The following CAMTA1 variants were observed in gnomAD, a reference collection of about 807,000 sequenced individuals.
CAMTA1 encodes the protein calmodulin-binding transcription activator 1.
In CAMTA1, 27 loss-of-function variants were observed where a neutral mutation model predicts 170.9. The ratio of observed to expected loss-of-function variants is 0.16; its 90% CI spans 0.12 to 0.22. The LOEUF (loss-of-function observed/expected upper bound fraction) is 0.22. Ranked by LOEUF, CAMTA1 falls within the 10% of genes least tolerant of loss-of-function variation. The pLI, the probability that CAMTA1 is intolerant of heterozygous loss-of-function variation, is 1.00. For missense variants in CAMTA1, 1,619 were observed against 2,217.2 expected, an observed-to-expected ratio of 0.73 and a Z score of 5.42; for synonymous variants, 833 against 891.5, an observed-to-expected ratio of 0.93 and a Z score of 1.17.
intron 6 of CAMTA1, among the ~76,000 whole-genome samples, chr1:7,514,199 G>A (rs956554668): frequency 2.6e-5 from 4 of 152,196 alleles, no homozygotes; most frequent in Non-Finnish European, 5.9e-5. Context: ...TCCATGCCTC[G>A]GAGCCTCTTC....
At chr1:6,925,785 G>C (rs1179524026) in intron 3 of CAMTA1, among the ~76,000 whole-genome samples, 1 of 152,176 alleles carries the variant, frequency 6.6e-6, no homozygotes, top group Non-Finnish European at 1.5e-5. Context: ...TTCCCAAGAG[G>C]CATCTCCATT....
Position 7,561,691 on chromosome 1 carries a change from C to T in CAMTA1, c.511-78709C>T, listed in dbSNP as rs141231681. Among the ~76,000 whole-genome samples the T allele has an allele frequency of 3.6e-3, 540 of 151,912 alleles. 4 individuals carry two copies. The highest frequency in any genetic ancestry group is 0.013 in the African/African-American group (523 of 41,440). ...CTCCATGATGCCCGTCAGAGGCCAC[C>T]CCTCCCCAGCCCCCTAGGCCACTGT... On this transcript the variant is annotated intron_variant, in intron 6 of 22. Coordinates refer to ENST00000303635, the MANE Select transcript of CAMTA1 (RefSeq NM_015215.4). The surrounding 1 kb of genome is among the most constrained non-coding windows in gnomAD (Gnocchi z 5.3).
At chr1:6,879,265 A>C (rs1481298202) in intron 3 of CAMTA1, among the ~76,000 whole-genome samples, 2 of 152,304 alleles carry the variant, frequency 1.3e-5, no homozygotes, top group East Asian at 1.9e-4. Flanking sequence ...TACCAAACCC[A>C]CAAGACCCTG....
At chr1:7,357,966 C>G (rs780691488) in intron 5 of CAMTA1, among the ~76,000 whole-genome samples, 1 of 152,184 alleles carries the variant, frequency 6.6e-6, no homozygotes, top group African/African-American at 2.4e-5. Flanking sequence ...TGGTGACAGA[C>G]AGGGCCCTGT....
intron 5 of CAMTA1, among the ~76,000 whole-genome samples, chr1:7,279,754 C>T (rs1671245938): frequency 6.6e-6 from 1 of 152,124 alleles, no homozygotes; most frequent in Non-Finnish European, 1.5e-5. Flanking sequence ...TGCTAAAATG[C>T]CTGGAATCAA....
chr1:7,158,637 G>A (rs1436592847), intron 4 of CAMTA1, among the ~76,000 whole-genome samples: 3 of 152,158 alleles, frequency 2.0e-5, no homozygotes, highest in Non-Finnish European at 4.4e-5. Flanking sequence ...TGCACAAAAG[G>A]ATGGCTGGAT....
chr1:6,975,114 C>T (rs1022427392), intron 3 of CAMTA1, among the ~76,000 whole-genome samples: 19 of 152,128 alleles, frequency 1.2e-4, no homozygotes, highest in Admixed American at 2.6e-4. Context: ...GCTGAGATGA[C>T]GGGGCCTGCC....
intron 3 of CAMTA1, among the ~76,000 whole-genome samples, chr1:6,932,120 A>T (rs1478621840): frequency 6.6e-6 from 1 of 152,244 alleles, no homozygotes; most frequent in East Asian, 1.9e-4. Flanking sequence ...CCAAATCAAG[A>T]TAATGAACGT....
intron 10 of CAMTA1, among the ~76,000 whole-genome samples, chr1:7,675,132 C>A (rs1260559061): frequency 6.6e-6 from 1 of 152,142 alleles, no homozygotes; most frequent in Admixed American, 6.5e-5. Flanking sequence ...TGGAGCCAGT[C>A]ATGGGAAGTG....
rs1000227178 is a variant in CAMTA1, at chr1:7,455,098, C to A, written c.439-12732C>A. Among the ~76,000 whole-genome samples, 1 of 152,160 alleles carries A rather than the reference C, an allele frequency of 6.6e-6. No homozygotes were observed. Among genetic ancestry groups the A allele is most frequent in the Non-Finnish European group, 1.5e-5 (1 of 68,042 alleles). The stretch of plus-strand genomic sequence containing the variant: ...GGCCGGCCTGGCTGGGGCAGCGCAT[C>A]TGCAGGTGTTTGAGGCACATTTGTT... On this transcript the variant is annotated intron_variant, in intron 5 of 22. Coordinates refer to ENST00000303635, the MANE Select transcript of CAMTA1 (RefSeq NM_015215.4). The surrounding 1 kb of genome is among the most constrained non-coding windows in gnomAD (Gnocchi z 5.0).
At chr1:7,403,639 G>A (rs187228787) in intron 5 of CAMTA1, among the ~76,000 whole-genome samples, 8 of 152,308 alleles carry the variant, frequency 5.3e-5, no homozygotes, top group Admixed American at 2.6e-4. Flanking sequence ...GGTGCTACCG[G>A]CAAAGGTGAG....
At chr1:7,745,743 CA>C in intron 17 of CAMTA1, 101 bp from the exon 18 acceptor site, 1 of 1,427,246 alleles carries the variant, frequency 7.0e-7, no homozygotes, top group Admixed American at 1.8e-5. Context: ...TAATTGCCCA[CA>C]GTGGCTTCTG....
At chr1:7,187,355 C>T (rs747489350) in intron 4 of CAMTA1, among the ~76,000 whole-genome samples, 2 of 152,174 alleles carry the variant, frequency 1.3e-5, no homozygotes, top group African/African-American at 2.4e-5. Context: ...GAAAGAACTA[C>T]TTTTATGCCC....
intron 3 of CAMTA1, among the ~76,000 whole-genome samples, chr1:7,085,505 C>T (rs912162876): frequency 7.9e-5 from 12 of 152,236 alleles, no homozygotes; most frequent in African/African-American, 2.2e-4. Flanking sequence ...GAACCACCAC[C>T]CACATAGAGC....
chr1:7,222,223 C>T (rs570733645), intron 4 of CAMTA1, among the ~76,000 whole-genome samples: 1 of 152,280 alleles, frequency 6.6e-6, no homozygotes, highest in African/African-American at 2.4e-5. Context: ...AGCATTGTGT[C>T]AGACAGGCCG....
At chr1:7,694,255 GC>G (rs1301768892) in intron 11 of CAMTA1, 1 of 152,180 alleles carries the variant, frequency 6.6e-6, no homozygotes, top group Non-Finnish European at 1.5e-5. Context: ...TTAAAGCATG[GC>G]TCCTACACAG....
At chr1:6,968,789 C>T (rs1284833300) in intron 3 of CAMTA1, among the ~76,000 whole-genome samples, 3 of 145,002 alleles carry the variant, frequency 2.1e-5, no homozygotes, top group African/African-American at 2.6e-5. Flanking sequence ...TTGGGGGAGG[C>T]GGGTTACAGG....
intron 4 of CAMTA1, among the ~76,000 whole-genome samples, chr1:7,223,859 A>G (rs1392248966): frequency 1.3e-5 from 2 of 152,062 alleles, no homozygotes; most frequent in Admixed American, 6.5e-5. Flanking sequence ...CTCAAATTTT[A>G]TTTTATTAGA....
chr1:6,814,528 G>A (rs527283363), intron 1 of CAMTA1, among the ~76,000 whole-genome samples: 1 of 152,290 alleles, frequency 6.6e-6, no homozygotes, highest in Admixed American at 6.5e-5. Flanking sequence ...AGGCAGCAGA[G>A]CCACTGCTGT....
Sources: gnomAD v4.1 joint callset for allele counts (sites outside exome capture counted in the v4.1 genomes callset) on GRCh38, gnomAD v4.1.1 for gene constraint, Gnocchi (gnomAD v3.1) non-coding constraint, MANE v1.5 for transcripts, NCBI Gene and HGNC (gene_info 2026-07-23, HGNC 2026-07-21) for gene names.